Variants in DYSF observed in about 807,000 individuals in gnomAD.
The protein encoded by DYSF is dystrophy-associated fer-1-like 1.
A neutral mutation model predicts 274.9 loss-of-function variants in DYSF; 212 were observed. The observed-to-expected ratio is 0.77, with a 90% confidence interval of 0.69 to 0.86. The LOEUF (loss-of-function observed/expected upper bound fraction) is 0.86. DYSF is among the 40% of genes least tolerant of loss of function. The pLI is 0.00. For missense variants in DYSF, 2,666 were observed against 2,783.2 expected (o/e 0.96, Z 0.95); for synonymous variants, 1,091 against 1,078.7 (o/e 1.01, Z -0.22).
chr2:71,644,208 G>C (rs1452121422), intron 42 of DYSF, 145 bp downstream of exon 42: 1 of 801,606 alleles, frequency 1.2e-6, no homozygotes, highest in Non-Finnish European at 2.1e-6. Flanking sequence ...TGCTAGACCA[G>C]CTGGGTGAGA....
intron 40 of DYSF, among the ~76,000 whole-genome samples, chr2:71,618,490 A>C (rs2093990756): frequency 9.7e-6 from 1 of 103,614 alleles, no homozygotes. Context: ...TGTGTGGTAG[A>C]GGTGATGTGT....
rs776290064 is a variant in DYSF at position 71,665,131 on chromosome 2, A to C, written c.5175-31A>C. The C allele has an allele frequency of 2.5e-6, 4 of 1,612,636 alleles. No individual in the cohort carries two copies. The South Asian group carries it at 4.4e-5, about 18-fold the overall frequency. On this transcript the variant is annotated intron_variant, in intron 46 of 55. Transcript: ENST00000410020. ...CTACCCTCATGAGTGTCCTTGAAGC[A>C]TCTCATCTATGTCTTGTGCTTGCTC...
At chr2:71,539,705 T>C (rs770268920) in intron 17 of DYSF, among the ~76,000 whole-genome samples, 56 of 152,220 alleles carry the variant, frequency 3.7e-4, no homozygotes, top group Non-Finnish European at 3.1e-4. Context: ...CTATTAGCAC[T>C]CCGAGACCTT....
At chr2:71,597,418 T>C (rs558265098) in intron 32 of DYSF, among the ~76,000 whole-genome samples, 8 of 152,264 alleles carry the variant, frequency 5.3e-5, no homozygotes, top group Admixed American at 5.2e-4. Context: ...TCCCAAGTTA[T>C]ATGCACTCAG....
chr2:71,601,063 C>T (rs964364195), intron 34 of DYSF, among the ~76,000 whole-genome samples: 3 of 152,214 alleles, frequency 2.0e-5, no homozygotes, highest in Non-Finnish European at 2.9e-5. Flanking sequence ...TGGGTCATCT[C>T]CTGACGTGGT....
At chr2:71,599,421 G>T (rs559577171) in intron 33 of DYSF, among the ~76,000 whole-genome samples, 1 of 152,250 alleles carries the variant, frequency 6.6e-6, no homozygotes, top group Non-Finnish European at 1.5e-5. Flanking sequence ...GCTGCAGGTG[G>T]CTGGTGCTCC....
rs1405428024 is a variant in DYSF at position 71,577,506 on chromosome 2, G to A, written c.3402+3135G>A. Among the ~76,000 whole-genome samples the A allele has an allele frequency of 4.2e-5, 5 of 118,806 alleles. No homozygotes were observed. In the East Asian group the frequency reaches 8.7e-4, roughly 21 times the overall value. The allele number at this position is 118,806 out of a possible 152,430, so 77.9% of individuals were successfully genotyped here. ...CCATATATACCAACACACACACACAGCCCCACTCTCATGCAGCCCCCCCAC... is the reference window on the plus strand; with the variant it reads ...CCATATATACCAACACACACACACAACCCCACTCTCATGCAGCCCCCCCAC... On this transcript the variant is annotated intron_variant, in intron 30 of 55. Transcript: ENST00000410020.
At chr2:71,618,407 G>A (rs1353399135) in intron 40 of DYSF, among the ~76,000 whole-genome samples, 14 of 92,430 alleles carry the variant, frequency 1.5e-4, no homozygotes, top group South Asian at 3.7e-4. Flanking sequence ...GTGTGTGGTA[G>A]AGGTGGTGTG....
At chr2:71,511,759 G>A (rs184870388) in intron 4 of DYSF, 48 bp from the exon 5 acceptor site, 4 of 1,139,222 alleles carry the variant, frequency 3.5e-6, no homozygotes, top group East Asian at 5.1e-5. Flanking sequence ...GAGGGCAGTG[G>A]TCCGAGGCCA....
chr2:71,576,608 GAC>G (rs1448830317), intron 30 of DYSF, among the ~76,000 whole-genome samples: 1 of 152,378 alleles, frequency 6.6e-6, no homozygotes, highest in Non-Finnish European at 1.5e-5. Flanking sequence ...TGGCAAGGCT[GAC>G]ACACACGGTG....
At position 71,480,870 on chromosome 2, in the gene DYSF, G is replaced by C. The variant is rs773206877; in HGVS notation, c.92-13G>C. 1.9e-6 allele frequency: 3 copies of C among 1,613,094 alleles called. No individual in the cohort carries two copies. Among genetic ancestry groups the C allele is most frequent in the Admixed American group, 3.3e-5 (2 of 60,030 alleles). On this transcript the variant is annotated splice_polypyrimidine_tract_variant and intron_variant, in intron 1 of 55. Coordinates refer to ENST00000410020, the MANE Select transcript of DYSF (RefSeq NM_001130987.2). ...GATGTGTCTCTCCATTCTCCCTTTT[G>C]TGTCTCTTGTAGGGGTGAAGAAGAG...
rs1244607201 is a variant in DYSF at position 71,569,953 on chromosome 2, G to A, written c.2979+19G>A. On this transcript the variant is annotated intron_variant, in intron 27 of 55. Coordinates refer to ENST00000410020, the MANE Select transcript of DYSF (RefSeq NM_001130987.2). ...CGATGTGGTAAAGCAGGCACTCAGGGGCAGGTGGGGTCTAGACATTTGGTC... is the reference window on the plus strand; with the variant it reads ...CGATGTGGTAAAGCAGGCACTCAGGAGCAGGTGGGGTCTAGACATTTGGTC... The A allele has an allele frequency of 1.2e-6, 2 of 1,607,580 alleles. No homozygotes were observed. The highest frequency in any genetic ancestry group is 1.7e-6 in the Non-Finnish European group (2 of 1,174,628).
chr2:71,669,287 C>T, intron 50 of DYSF, 80 bp downstream of exon 50: 3 of 1,254,256 alleles, frequency 2.4e-6, no homozygotes, highest in Non-Finnish European at 3.4e-6. Flanking sequence ...GCACGGGGGG[C>T]TCTGGCTCAG....
chr2:71,522,764 C>T (rs1384000457), intron 12 of DYSF, among the ~76,000 whole-genome samples: 2 of 152,116 alleles, frequency 1.3e-5, no homozygotes, highest in Non-Finnish European at 2.9e-5. Flanking sequence ...CTGCCCACTC[C>T]CCACACCTGT....
intron 1 of DYSF, among the ~76,000 whole-genome samples, chr2:71,478,491 G>C (rs2082596726): frequency 6.6e-6 from 1 of 152,178 alleles, no homozygotes; most frequent in Non-Finnish European, 1.5e-5. Flanking sequence ...GATTACAGGT[G>C]TGAGCCACCG....
intron 32 of DYSF, among the ~76,000 whole-genome samples, chr2:71,590,984 G>A (rs889837494): frequency 2.0e-5 from 3 of 152,120 alleles, no homozygotes; most frequent in African/African-American, 7.2e-5. Flanking sequence ...GACACACCTG[G>A]TCACATCCCT....
chr2:71,553,490 C>G (rs1489583704), intron 20 of DYSF, among the ~76,000 whole-genome samples: 1 of 152,216 alleles, frequency 6.6e-6, no homozygotes, highest in Non-Finnish European at 1.5e-5. Context: ...TTGGGTTTCC[C>G]AGGGCAGCTC....
chr2:71,595,393 T>A (rs2093377862), intron 32 of DYSF, among the ~76,000 whole-genome samples: 1 of 152,198 alleles, frequency 6.6e-6, no homozygotes. Context: ...TCAGGGGGTC[T>A]AGTACATACG....
chr2:71,515,761 AT>A lies in DYSF; in HGVS notation c.888+11del. The A allele has an allele frequency of 1.2e-6, 2 of 1,614,110 alleles. No individual in the cohort carries two copies. Among genetic ancestry groups the A allele is most frequent in the Non-Finnish European group, 1.7e-6 (2 of 1,179,998 alleles). On this transcript the variant is annotated intron_variant, in intron 8 of 55. Transcript: ENST00000410020. The stretch of plus-strand genomic sequence containing the variant: ...CCCACTCTTCAATGAGGTGGGAGAC[AT>A]GGGGCATGAGGGCCAGAACCTTGGT...
Sources: gnomAD v4.1 joint callset for allele counts (sites outside exome capture counted in the v4.1 genomes callset) on GRCh38, gnomAD v4.1.1 for gene constraint, MANE v1.5 for transcripts, NCBI Gene and HGNC (gene_info 2026-07-23, HGNC 2026-07-21) for gene names.